ANKRA2: variants seen among roughly 807,000 people sequenced by gnomAD.
ANKRA2 encodes ankyrin repeat family A member 2, also known as ankyrin repeat family A protein 2.
ANKRA2 carries 33 observed loss-of-function variants against 37.8 expected under a neutral mutation model. The ratio of observed to expected loss-of-function variants is 0.87; its 90% CI spans 0.66 to 1.17. The LOEUF (loss-of-function observed/expected upper bound fraction) is 1.17, where lower values mean the gene tolerates loss of function less well. Among genes scored for constraint, ANKRA2 ranks in the 50% most tolerant of loss-of-function variants. The pLI, the probability that ANKRA2 is intolerant of heterozygous loss-of-function variation, is 0.00. For synonymous variants in ANKRA2, 126 were observed against 132.3 expected (o/e 0.95, Z 0.33); for missense variants, 326 against 373.7 (o/e 0.87, Z 1.05).
chr5:73,555,310 G>C, intron 5 of ANKRA2, 178 bp downstream of exon 5: 1 of 1,222,790 alleles, frequency 8.2e-7, no homozygotes, highest in Non-Finnish European at 1.1e-6. Flanking sequence ...TCTCACTGTT[G>C]CATGTATGAT....
At chr5:73,561,455 T>C (rs996130650) in intron 2 of ANKRA2, 167 bp from the exon 3 acceptor site, 1 of 691,374 alleles carries the variant, frequency 1.4e-6, no homozygotes, top group South Asian at 2.1e-5. Flanking sequence ...CTTGTTTGCA[T>C]AATGGTTAGT....
In ANKRA2 at chr5:73,562,673, T is replaced by C. The variant is rs769450587; in HGVS notation, c.209A>G (p.Lys70Arg). The C allele has an allele frequency of 2.3e-5, 37 of 1,614,176 alleles. No individual in the cohort carries two copies. The South Asian group carries it at 3.7e-4, about 16-fold the overall frequency. The change falls in exon 2 of 9, where the codon AAG (lysine) becomes AGG (arginine). Residue 70 changes from lysine to arginine, a missense_variant. By Grantham distance (26) the Lys-to-Arg change is conservative. This residue lies in a region of ANKRA2 where 93 missense variants were observed against 91.1 expected (regional missense o/e 1.02). Transcript: ENST00000296785. The part of the protein sequence containing the change: ...FDMNVCSRFV[K>R]SLNEEDSKNI... ...TTTACTATCTTCTTCATTTAAGGAC[T>C]TCACAAATCGAGAACACACATTCAT...
At chr5:73,555,783 T>C (rs1747384159) in intron 4 of ANKRA2, among the ~76,000 whole-genome samples, 198 bp from the exon 5 acceptor site, 1 of 152,212 alleles carries the variant, frequency 6.6e-6, no homozygotes, top group Admixed American at 6.5e-5. Context: ...TCAATGTACA[T>C]AGCCGGGTTC....
intron 1 of ANKRA2, among the ~76,000 whole-genome samples, 155 bp downstream of exon 1, chr5:73,564,977 A>AG (rs1466118465): frequency 6.6e-6 from 1 of 152,158 alleles, no homozygotes; most frequent in Non-Finnish European, 1.5e-5. Context: ...GATCTGTCAG[A>AG]GCCCAGGGAT....
intron 4 of ANKRA2, 50 bp from the exon 5 acceptor site, chr5:73,555,635 T>C (rs1747380424): frequency 6.7e-7 from 1 of 1,486,548 alleles, no homozygotes; most frequent in Non-Finnish European, 9.3e-7. Context: ...AACCATATCT[T>C]AATATCACTA....
intron 4 of ANKRA2, among the ~76,000 whole-genome samples, chr5:73,556,694 G>A (rs1305058841): frequency 6.6e-6 from 1 of 151,856 alleles, no homozygotes; most frequent in South Asian, 2.1e-4. Flanking sequence ...GACAAGCTGG[G>A]GAACAATATA....
Position 73,552,870 on chromosome 5 carries a change from T to C in ANKRA2, c.887-18A>G, listed in dbSNP as rs1184971964. On this transcript the variant is annotated intron_variant, in intron 8 of 8. Coordinates refer to ENST00000296785, the MANE Select transcript of ANKRA2 (RefSeq NM_023039.5). ...CTGTTGAACTAGAACAGATAGGTAA[T>C]CAAGATTACAGCACAGTGACTATAA... 1.9e-6 allele frequency: 3 copies of C among 1,575,702 alleles called. No individual in the cohort carries two copies. Among genetic ancestry groups the C allele is most frequent in the Non-Finnish European group, 2.6e-6 (3 of 1,149,908 alleles).
At chr5:73,555,966 T>C (rs1172254158) in intron 4 of ANKRA2, among the ~76,000 whole-genome samples, 2 of 152,192 alleles carry the variant, frequency 1.3e-5, no homozygotes, top group African/African-American at 4.8e-5. Flanking sequence ...TATACAGAAT[T>C]CCTTGCTTAC....
At position 73,561,072 on chromosome 5, in the gene ANKRA2, C is replaced by A. The variant is rs1747538137; in HGVS notation, c.448+58G>T. 3 of 1,482,344 alleles carry A rather than the reference C, an allele frequency of 2.0e-6. No individual in the cohort carries two copies. In the South Asian group the frequency reaches 3.8e-5, roughly 19 times the overall value. The allele number at this position is 1,482,344 out of a possible 1,614,324, so 91.8% of individuals were successfully genotyped here. A position where few individuals can be genotyped will look rare whatever the true frequency, so the allele number is the denominator to read the frequency against. ...ATTTAATGAAATAATGTTTTAAAGTCAAACTCTTGAAAGTATTACATTAAG... is the reference window on the plus strand; with the variant it reads ...ATTTAATGAAATAATGTTTTAAAGTAAAACTCTTGAAAGTATTACATTAAG... On this transcript the variant is annotated intron_variant, in intron 3 of 8. Coordinates refer to ENST00000296785, the MANE Select transcript of ANKRA2 (RefSeq NM_023039.5).
chr5:73,555,700 T>C (rs1467826333), intron 4 of ANKRA2, 115 bp from the exon 5 acceptor site: 2 of 927,386 alleles, frequency 2.2e-6, no homozygotes, highest in East Asian at 2.6e-5. Context: ...GTTCACTTTG[T>C]GCTGACTTTA....
chr5:73,561,857 A>T (rs944199895), intron 2 of ANKRA2, among the ~76,000 whole-genome samples: 1 of 152,154 alleles, frequency 6.6e-6, no homozygotes, highest in East Asian at 1.9e-4. Context: ...GAATAGTTTT[A>T]TTATTCAGGG....
chr5:73,553,351 T>A lies in ANKRA2; in HGVS notation c.886+55A>T, dbSNP rs1396308429. ...ATAAAGATGGTTTGGAGTACTGGCTTATACTATTTACAGAGCTTTACTAAG... is the reference window on the plus strand; with the variant it reads ...ATAAAGATGGTTTGGAGTACTGGCTAATACTATTTACAGAGCTTTACTAAG... On this transcript the variant is annotated intron_variant, in intron 8 of 8. Coordinates refer to ENST00000296785, the MANE Select transcript of ANKRA2 (RefSeq NM_023039.5). The A allele has an allele frequency of 4.4e-6, 6 of 1,365,054 alleles. No individual in the cohort carries two copies. In the Admixed American group the frequency reaches 1.1e-4, roughly 25 times the overall value. The allele number at this position is 1,365,054 out of a possible 1,614,324, so 84.6% of individuals were successfully genotyped here. A position where few individuals can be genotyped will look rare whatever the true frequency, so the allele number is the denominator to read the frequency against.
At chr5:73,560,586 A>T (rs1010521461) in intron 3 of ANKRA2, among the ~76,000 whole-genome samples, 14 of 152,030 alleles carry the variant, frequency 9.2e-5, no homozygotes, top group African/African-American at 3.1e-4. Flanking sequence ...GGGTCTTGCT[A>T]TGTTGCCCTG....
In ANKRA2 at chr5:73,555,602, C is replaced by A. The variant is rs538355744; in HGVS notation, c.515-17G>T. 1.8e-4 allele frequency: 281 copies of A among 1,601,144 alleles called. 2 individuals are homozygous for A. The South Asian group carries it at 2.9e-3, about 17-fold the overall frequency. On this transcript the variant is annotated splice_polypyrimidine_tract_variant and intron_variant, in intron 4 of 8. Coordinates refer to ENST00000296785, the MANE Select transcript of ANKRA2 (RefSeq NM_023039.5). ...TAACATTTTCTATTTAAAAGAAAAG[C>A]AATTTTTGTGATCTAATTTAACAAC... is the stretch of plus-strand genomic sequence containing the variant.
At chr5:73,564,242 G>C (rs910940525) in intron 1 of ANKRA2, among the ~76,000 whole-genome samples, 4 of 152,196 alleles carry the variant, frequency 2.6e-5, no homozygotes, top group African/African-American at 9.6e-5. Flanking sequence ...GTCTTAAAAG[G>C]GACTGGACAA....
intron 2 of ANKRA2, 34 bp from the exon 3 acceptor site, chr5:73,561,322 C>T (rs761574977): frequency 2.7e-5 from 42 of 1,578,810 alleles, no homozygotes; most frequent in Non-Finnish European, 3.6e-5. Context: ...ACATTAAAAG[C>T]ATTTCAGTAA....
chr5:73,560,997 T>C, intron 3 of ANKRA2, 133 bp downstream of exon 3: 1 of 913,176 alleles, frequency 1.1e-6, no homozygotes, highest in Non-Finnish European at 1.6e-6. Flanking sequence ...TAAGGTTGAA[T>C]AGTATTCCAT....
intron 2 of ANKRA2, 77 bp downstream of exon 2, chr5:73,562,508 CAAACTCAA>C: frequency 7.4e-7 from 1 of 1,351,060 alleles, no homozygotes; most frequent in Non-Finnish European, 1.0e-6. Flanking sequence ...ACTGTCTTCC[CAAACTCAA>C]AATCTCATGA....
chr5:73,554,294 G>A (rs887312414), intron 7 of ANKRA2, 28 bp downstream of exon 7: 10 of 1,596,732 alleles, frequency 6.3e-6, no homozygotes, highest in Admixed American at 1.7e-5. Context: ...GTCCTCACAT[G>A]GCATTTTCTA....
Sources: allele counts gnomAD v4.1 joint callset (sites outside exome capture counted in the v4.1 genomes callset), GRCh38; gene constraint gnomAD v4.1.1; regional missense constraint gnomAD v4.1.1; transcripts MANE v1.5; gene names NCBI Gene and HGNC (gene_info 2026-07-23, HGNC 2026-07-21).